Variants in ELAVL2 observed in about 807,000 individuals in gnomAD.
ELAVL2 encodes ELAV-like protein 2.
ELAVL2 carries 4 observed loss-of-function variants against 34.6 expected under a neutral mutation model. The ratio of observed to expected loss-of-function variants is 0.12; its 90% CI spans 0.06 to 0.26. ELAVL2 has a LOEUF of 0.26. ELAVL2 is among the 10% of genes least tolerant of loss of function. ELAVL2 has a pLI of 1.00. For synonymous variants in ELAVL2, 193 were observed against 154.8 expected, an observed-to-expected ratio of 1.25 and a Z score of -1.83; for missense variants, 432 against 442.8, an observed-to-expected ratio of 0.98 and a Z score of 0.22.
chr9:23,807,512 A>C (rs780675958), intron 1 of ELAVL2, among the ~76,000 whole-genome samples: 7 of 152,166 alleles, frequency 4.6e-5, no homozygotes, highest in Non-Finnish European at 4.4e-5. Context: ...TTTCTACAAA[A>C]AAAAAACTGC....
At chr9:23,759,782 A>AC (rs2054521463) in intron 2 of ELAVL2, among the ~76,000 whole-genome samples, 1 of 133,176 alleles carries the variant, frequency 7.5e-6, no homozygotes, top group African/African-American at 2.9e-5. Context: ...ATATATATAT[A>AC]TATATATAAT....
intron 2 of ELAVL2, among the ~76,000 whole-genome samples, chr9:23,754,761 C>A (rs1333057790): frequency 2.0e-5 from 3 of 152,168 alleles, no homozygotes; most frequent in African/African-American, 7.2e-5. Flanking sequence ...CTGCGCCTGG[C>A]TGGCATCAAG....
chr9:23,788,244 C>T (rs1448625163), intron 1 of ELAVL2, among the ~76,000 whole-genome samples: 12 of 152,156 alleles, frequency 7.9e-5, no homozygotes, highest in Non-Finnish European at 1.6e-4. Context: ...GCTGAGCAAT[C>T]GGATATAGCC....
At chr9:23,836,514 A>C in the ELAVL2 span, among the ~76,000 whole-genome samples, 2 of 152,210 alleles carry the variant, frequency 1.3e-5, no homozygotes. Flanking sequence ...ATGTGTCTCC[A>C]TATTAGTCAT....
At chr9:23,733,543 G>A (rs1017000189) in intron 2 of ELAVL2, among the ~76,000 whole-genome samples, 2 of 152,166 alleles carry the variant, frequency 1.3e-5, no homozygotes, top group Admixed American at 1.3e-4. Flanking sequence ...TCACAGTTGC[G>A]TTGTTTAGGT....
intron 4 of ELAVL2, among the ~76,000 whole-genome samples, chr9:23,702,964 A>ACAAAAC (rs2037875124): frequency 7.1e-6 from 1 of 141,734 alleles, no homozygotes; most frequent in Non-Finnish European, 1.5e-5. Context: ...AAAAAAAAAA[A>ACAAAAC]AAAAAAAAAA....
chr9:23,760,483 T>C (rs78146853), intron 2 of ELAVL2, among the ~76,000 whole-genome samples: 1 of 152,028 alleles, frequency 6.6e-6, no homozygotes, highest in African/African-American at 2.4e-5. Context: ...TGTTTTACTT[T>C]AAAAACAAAA....
chr9:23,760,420 A>AT (rs1564328597), intron 2 of ELAVL2, among the ~76,000 whole-genome samples: 2 of 152,034 alleles, frequency 1.3e-5, no homozygotes, highest in South Asian at 4.1e-4. Flanking sequence ...GTCATTTATC[A>AT]TATTTTTATC....
intron 1 of ELAVL2, among the ~76,000 whole-genome samples, chr9:23,813,417 T>C (rs975344457): frequency 6.6e-6 from 1 of 151,786 alleles, no homozygotes; most frequent in Non-Finnish European, 1.5e-5. Flanking sequence ...ATCGGCTTTT[T>C]TTTTTTTTTT....
intron 1 of ELAVL2, among the ~76,000 whole-genome samples, chr9:23,762,832 A>ATC (rs1759618217): frequency 6.6e-6 from 1 of 152,110 alleles, no homozygotes; most frequent in African/African-American, 2.4e-5. Flanking sequence ...ACAATATCTT[A>ATC]TCTCTACCAT....
intron 3 of ELAVL2, among the ~76,000 whole-genome samples, chr9:23,722,336 T>C (rs2043948750): frequency 6.6e-6 from 1 of 152,236 alleles, no homozygotes; most frequent in African/African-American, 2.4e-5. Flanking sequence ...AAGTTACTAC[T>C]ATAATAATAA....
chr9:23,740,728 A>G (rs2048961556), intron 2 of ELAVL2, among the ~76,000 whole-genome samples: 3 of 152,186 alleles, frequency 2.0e-5, no homozygotes, highest in Non-Finnish European at 2.9e-5. Flanking sequence ...CAAATCCATC[A>G]TTACAAAACA....
At chr9:23,725,923 T>A (rs1020723564) in intron 3 of ELAVL2, among the ~76,000 whole-genome samples, 1 of 152,150 alleles carries the variant, frequency 6.6e-6, no homozygotes, top group Non-Finnish European at 1.5e-5. Context: ...GAATAAATTA[T>A]TTTAACGATA....
At chr9:23,760,396 G>A (rs532932118) in intron 2 of ELAVL2, among the ~76,000 whole-genome samples, 3 of 151,990 alleles carry the variant, frequency 2.0e-5, no homozygotes, top group South Asian at 2.1e-4. Flanking sequence ...CATCATTTGT[G>A]TCATAGCCCT....
chr9:23,785,019 T>C (rs1477093813), intron 1 of ELAVL2, among the ~76,000 whole-genome samples: 1 of 152,206 alleles, frequency 6.6e-6, no homozygotes, highest in Non-Finnish European at 1.5e-5. Flanking sequence ...CTTTGGGGCA[T>C]CTAAGCAAAC....
At chr9:23,764,452 A>C (rs1171196164) in intron 1 of ELAVL2, among the ~76,000 whole-genome samples, 1 of 152,164 alleles carries the variant, frequency 6.6e-6, no homozygotes, top group Non-Finnish European at 1.5e-5. Context: ...TCTCTCTGCT[A>C]TAGGACCATC....
chr9:23,766,022 A>T (rs181303475), intron 1 of ELAVL2, among the ~76,000 whole-genome samples: 1 of 152,202 alleles, frequency 6.6e-6, no homozygotes, highest in Non-Finnish European at 1.5e-5. Context: ...TGGTCAATAT[A>T]ATCAGAAAAC....
chr9:23,761,555 A>G (rs1564334890), intron 2 of ELAVL2, among the ~76,000 whole-genome samples: 1 of 152,098 alleles, frequency 6.6e-6, no homozygotes, highest in Non-Finnish European at 1.5e-5. Context: ...ATACACTGAC[A>G]ATGTGAACAT....
intron 3 of ELAVL2, among the ~76,000 whole-genome samples, chr9:23,721,650 T>C (rs1160542756): frequency 6.6e-6 from 1 of 152,186 alleles, no homozygotes; most frequent in Non-Finnish European, 1.5e-5. Flanking sequence ...GGGTTTGAAC[T>C]GTGTGGGTGC....
Sources: gnomAD v4.1 joint callset for allele counts (sites outside exome capture counted in the v4.1 genomes callset) on GRCh38, gnomAD v4.1.1 for gene constraint, MANE v1.5 for transcripts, NCBI Gene and HGNC (gene_info 2026-07-23, HGNC 2026-07-21) for gene names.